CSMD1: variants seen among roughly 807,000 people sequenced by gnomAD.
CSMD1 encodes the protein CUB and Sushi multiple domains 1.
CSMD1 carries 213 observed loss-of-function variants against 417.5 expected under a neutral mutation model. That is an observed-to-expected ratio of 0.51 (90% confidence interval 0.46 to 0.57). The LOEUF (loss-of-function observed/expected upper bound fraction) is 0.57, where lower values mean the gene tolerates loss of function less well. Ranked by LOEUF, CSMD1 falls within the 20% of genes least tolerant of loss-of-function variation. The pLI, the probability that CSMD1 is intolerant of heterozygous loss-of-function variation, is 0.00. For synonymous variants in CSMD1, 2,862 were observed against 1,736.8 expected (o/e 1.65, Z -16.11); for missense variants, 6,923 against 4,529.7 (o/e 1.53, Z -15.17).
At chr8:4,338,763 C>T (rs1395223411) in intron 3 of CSMD1, among the ~76,000 whole-genome samples, 1 of 152,006 alleles carries the variant, frequency 6.6e-6, no homozygotes, top group Non-Finnish European at 1.5e-5. Flanking sequence ...TTAAATTCTC[C>T]TTGAACCCAA....
intron 2 of CSMD1, among the ~76,000 whole-genome samples, chr8:4,624,062 C>G (rs979996372): frequency 6.6e-6 from 1 of 152,136 alleles, no homozygotes; most frequent in Non-Finnish European, 1.5e-5. Context: ...ATGACTATCT[C>G]TAGCTCTTGC....
At chr8:3,843,875 G>C (rs913633572) in intron 5 of CSMD1, among the ~76,000 whole-genome samples, 1 of 152,212 alleles carries the variant, frequency 6.6e-6, no homozygotes, top group Admixed American at 6.5e-5. Flanking sequence ...CAGATATTGT[G>C]AGTACAATTT....
At chr8:3,711,935 A>G (rs1300609827) in intron 6 of CSMD1, among the ~76,000 whole-genome samples, 1 of 152,192 alleles carries the variant, frequency 6.6e-6, no homozygotes. Context: ...TCTAAACAGA[A>G]AATTCGAGTA....
chr8:4,328,145 G>A (rs768933691), intron 3 of CSMD1, among the ~76,000 whole-genome samples: 2 of 151,930 alleles, frequency 1.3e-5, no homozygotes, highest in Non-Finnish European at 2.9e-5. Context: ...AATACTCAAA[G>A]ATGTTAAATG....
chr8:3,269,505 C>G (rs1316400586), intron 26 of CSMD1, among the ~76,000 whole-genome samples: 5 of 152,190 alleles, frequency 3.3e-5, no homozygotes, highest in African/African-American at 4.8e-5. Flanking sequence ...GAAAATGCAC[C>G]TATTAAGTTA....
intron 3 of CSMD1, among the ~76,000 whole-genome samples, chr8:4,044,533 A>C (rs1460521471): frequency 6.6e-6 from 1 of 152,184 alleles, no homozygotes; most frequent in Non-Finnish European, 1.5e-5. Context: ...GGAGCAGGAC[A>C]CTTCATTCCA....
chr8:3,605,821 T>A (rs538629166), intron 8 of CSMD1, among the ~76,000 whole-genome samples: 42 of 152,298 alleles, frequency 2.8e-4, no homozygotes, highest in African/African-American at 9.1e-4. Flanking sequence ...AGAGCCTAGG[T>A]TATGACTCTA....
At chr8:4,749,589 G>C (rs1270274752) in intron 1 of CSMD1, among the ~76,000 whole-genome samples, 1 of 152,170 alleles carries the variant, frequency 6.6e-6, no homozygotes, top group Admixed American at 6.5e-5. Flanking sequence ...CAATGATCTT[G>C]TACAGAGGAT....
chr8:3,625,071 G>GT (rs11371258), intron 7 of CSMD1, among the ~76,000 whole-genome samples: 79,227 of 150,334 alleles, frequency 0.53, 21,469 homozygotes, highest in Middle Eastern at 0.63. Flanking sequence ...ATGCATAACA[G>GT]TTTTTTTTTT....
intron 3 of CSMD1, among the ~76,000 whole-genome samples, chr8:4,213,227 G>C (rs1033724690): frequency 2.0e-5 from 3 of 152,166 alleles, no homozygotes; most frequent in Non-Finnish European, 4.4e-5. Context: ...TGTTGTCTAT[G>C]AACCAGCTGG....
At chr8:3,720,121 T>C (rs572178331) in intron 6 of CSMD1, among the ~76,000 whole-genome samples, 1 of 152,338 alleles carries the variant, frequency 6.6e-6, no homozygotes, top group Admixed American at 6.5e-5. Context: ...GGAATGTTAA[T>C]GCAACTCTTT....
intron 1 of CSMD1, among the ~76,000 whole-genome samples, chr8:4,682,833 A>G (rs1806133229): frequency 6.6e-6 from 1 of 150,936 alleles, no homozygotes. Context: ...AACTAAATAC[A>G]CTGAAATGTT....
intron 6 of CSMD1, among the ~76,000 whole-genome samples, chr8:3,749,390 C>A (rs975660406): frequency 1.3e-5 from 2 of 152,080 alleles, no homozygotes; most frequent in Admixed American, 1.3e-4. Context: ...AGAGTAGCAA[C>A]TGTAGAACAG....
intron 4 of CSMD1, among the ~76,000 whole-genome samples, chr8:4,025,844 A>G (rs533323260): frequency 6.6e-6 from 1 of 152,314 alleles, no homozygotes; most frequent in Non-Finnish European, 1.5e-5. Context: ...TTAATTAAAT[A>G]TACAGTTATA....
intron 7 of CSMD1, among the ~76,000 whole-genome samples, chr8:3,623,229 A>T (rs955953767): frequency 6.6e-6 from 1 of 152,254 alleles, no homozygotes; most frequent in African/African-American, 2.4e-5. Context: ...GTTGATTTAT[A>T]ATACCTCATT....
At chr8:3,984,769 G>A (rs148360954) in intron 5 of CSMD1, among the ~76,000 whole-genome samples, 1,622 of 133,634 alleles carry the variant, frequency 0.012, 38 homozygotes, top group East Asian at 0.049. Context: ...GTATTTGTGC[G>A]TGTGTGTGTG....
intron 3 of CSMD1, among the ~76,000 whole-genome samples, chr8:4,215,797 C>A (rs1467350756): frequency 6.6e-6 from 1 of 152,040 alleles, no homozygotes; most frequent in South Asian, 2.1e-4. Flanking sequence ...TCTATTCTCT[C>A]CTTTTCTGGC....
chr8:3,734,429 T>G (rs1380691720), intron 6 of CSMD1, among the ~76,000 whole-genome samples: 1 of 152,174 alleles, frequency 6.6e-6, no homozygotes, highest in Non-Finnish European at 1.5e-5. Context: ...ACAGAAACTC[T>G]GCCAGGTGCG....
At chr8:3,893,198 G>A (rs1030928598) in intron 5 of CSMD1, among the ~76,000 whole-genome samples, 5 of 151,344 alleles carry the variant, frequency 3.3e-5, no homozygotes, top group Non-Finnish European at 7.4e-5. Flanking sequence ...GGGCACGTCA[G>A]AAATAAAGTG....
Sources: gnomAD v4.1 joint callset for allele counts (sites outside exome capture counted in the v4.1 genomes callset) on GRCh38, gnomAD v4.1.1 for gene constraint, MANE v1.5 for transcripts, NCBI Gene and HGNC (gene_info 2026-07-23, HGNC 2026-07-21) for gene names.